The following ARHGEF1 variants were observed in gnomAD, a reference collection of about 807,000 sequenced individuals.
ARHGEF1 encodes the protein 115 kDa guanine nucleotide exchange factor.
Under a neutral mutation model 119.7 loss-of-function variants are expected in ARHGEF1, and 40 were observed. That is an observed-to-expected ratio of 0.33 (90% confidence interval 0.26 to 0.44). The LOEUF is 0.44. Among genes scored for constraint, ARHGEF1 ranks in the 20% least tolerant of loss-of-function variants. The pLI, the probability that ARHGEF1 is intolerant of heterozygous loss-of-function variation, is 1.00. For synonymous variants in ARHGEF1, 494 were observed against 521.0 expected, an observed-to-expected ratio of 0.95 and a Z score of 0.71; for missense variants, 976 against 1,268.3, an observed-to-expected ratio of 0.77 and a Z score of 3.50.
At chr19:41,914,574 C>CGTCTTTCCCTCCCCTTCCACCATCTCT in intron 18 of ARHGEF1, among the ~76,000 whole-genome samples, 1 of 17,938 alleles carries the variant, frequency 5.6e-5, no homozygotes, top group African/African-American at 1.8e-4. Flanking sequence ...TCTCTGTCTC[C>CGTCTTTCCCTCCCCTTCCACCATCTCT]GTCTCTCCCT....
At chr19:41,898,131 C>G in intron 13 of ARHGEF1, 25 of 1,396,624 alleles carry the variant, frequency 1.8e-5, no homozygotes, top group Admixed American at 6.8e-5. Context: ...AACCCTCTCC[C>G]TTCCCCCATC....
chr19:41,898,446 G>C lies in ARHGEF1; in HGVS notation c.1126G>C (p.Glu376Gln), dbSNP rs781879928. ...TAACAAGGCCTCTGTCCACAGCCCCGAGCCTGGAGATGAGGGGGAGCCGGG... is the reference window on the plus strand; with the variant it reads ...TAACAAGGCCTCTGTCCACAGCCCCCAGCCTGGAGATGAGGGGGAGCCGGG... Reference protein sequence around the residue: ...TDEGAETESPEPGDEGEPGRS... With the variant: ...TDEGAETESPQPGDEGEPGRS... The change falls in exon 14 of 29, where the codon GAG becomes CAG. Residue 376 changes from glutamate to glutamine, a missense_variant. By Grantham distance (29) the Glu-to-Gln change is conservative. This residue lies in a region of ARHGEF1 where 519 missense variants were observed against 580.9 expected (regional missense o/e 0.89). Transcript: ENST00000354532. 6.5e-7 allele frequency: 1 copy of C among 1,547,350 alleles called. No individual in the cohort carries two copies. Among genetic ancestry groups the C allele is most frequent in the East Asian group, 2.4e-5 (1 of 40,886 alleles).
At chr19:41,909,510 A>T, downstream of ARHGEF1, 1 of 1,241,420 alleles carries the variant, frequency 8.1e-7, no homozygotes, top group Non-Finnish European at 1.0e-6. The surrounding 1 kb of genome is among the most constrained non-coding windows in gnomAD (Gnocchi z 5.2). Context: ...GTGCAGGGGG[A>T]GCCCTGGGGC....
chr19:41,914,676 TTCCACCATCTCTGTCTCTCCCTCCCC>T (rs1568832031), intron 18 of ARHGEF1, among the ~76,000 whole-genome samples: 3 of 14,580 alleles, frequency 2.1e-4, no homozygotes, highest in Non-Finnish European at 2.0e-4. Context: ...CTCCCTCCCC[TTCCACCATCTCTGTCTCTCCCTCCCC>T]TTCCACCATC....
chr19:41,906,088 A>C lies in ARHGEF1; in HGVS notation c.2491+63A>C. On this transcript the variant is annotated intron_variant, in intron 26 of 28. Coordinates refer to ENST00000354532, the MANE Select transcript of ARHGEF1 (RefSeq NM_004706.4). This position sits in a 1 kb window ranked among gnomAD's most constrained non-coding sequence, Gnocchi z 4.5. ...CAAACAGTGCCTCTGTTCCAACTAGAACAAGGCTCTCCACGTCAAAAATTT... is the reference window on the plus strand; with the variant it reads ...CAAACAGTGCCTCTGTTCCAACTAGCACAAGGCTCTCCACGTCAAAAATTT... 6.8e-7 allele frequency: 1 copy of C among 1,479,218 alleles called. No individual in the cohort carries two copies. The highest frequency in any genetic ancestry group is 1.7e-5 in the Admixed American group (1 of 57,556). The allele number at this position is 1,479,218 out of a possible 1,614,324, so 91.6% of individuals were successfully genotyped here. A position where few individuals can be genotyped will look rare whatever the true frequency, so the allele number is the denominator to read the frequency against.
intron 1 of ARHGEF1, chr19:41,884,455 T>G (rs1555844889): frequency 6.2e-7 from 1 of 1,606,338 alleles, no homozygotes; most frequent in African/African-American, 1.3e-5. Flanking sequence ...AGGCTTCGGT[T>G]CCGGTGGCGG....
At chr19:41,900,426 G>A (rs1426662819) in intron 14 of ARHGEF1, among the ~76,000 whole-genome samples, 1 of 152,198 alleles carries the variant, frequency 6.6e-6, no homozygotes. Flanking sequence ...CACGGCTGGT[G>A]ACTATCACGT....
At chr19:41,924,084 T>G (rs1270660009) in intron 1 of ARHGEF1, among the ~76,000 whole-genome samples, 2 of 149,608 alleles carry the variant, frequency 1.3e-5, no homozygotes, top group African/African-American at 5.0e-5. Context: ...GGTGAGCATG[T>G]GGAATGACAG....
Position 41,903,334 on chromosome 19 carries a change from A to G in ARHGEF1, c.1766A>G (p.Glu589Gly). 1.2e-6 allele frequency: 2 copies of G among 1,613,934 alleles called. No homozygotes were observed. Among genetic ancestry groups the G allele is most frequent in the Non-Finnish European group, 1.7e-6 (2 of 1,180,014 alleles). ...GAGCCCACAGAACGGGAGAAAGTGG[A>G]GCTGGCAGCCGAGTGCTGCCGGGAA... Reference protein sequence around the residue: ...TEEPTEREKVELAAECCREIL... With the variant: ...TEEPTEREKVGLAAECCREIL... Residue 589 changes from glutamate to glycine, a missense_variant, in exon 19 of 29, where the codon GAG becomes GGG. Coordinates refer to ENST00000354532, the MANE Select transcript of ARHGEF1 (RefSeq NM_004706.4). The surrounding 1 kb of genome is among the most constrained non-coding windows in gnomAD (Gnocchi z 4.2).
intron 13 of ARHGEF1, chr19:41,896,870 C>CTCTT: frequency 3.3e-6 from 1 of 301,508 alleles, no homozygotes; most frequent in South Asian, 2.1e-5. Flanking sequence ...CCTACCCCCT[C>CTCTT]CTCTCACCTC....
rs781985250 is a variant in ARHGEF1 at position 41,888,677 on chromosome 19, G to T, written c.112-75G>T. The T allele has an allele frequency of 1.4e-6, 2 of 1,415,632 alleles. No homozygotes were observed. The highest frequency in any genetic ancestry group is 2.0e-6 in the Non-Finnish European group (2 of 1,008,724). The allele number at this position is 1,415,632 out of a possible 1,614,324, so 87.7% of individuals were successfully genotyped here. A position where few individuals can be genotyped will look rare whatever the true frequency, so the allele number is the denominator to read the frequency against. Reference sequence around the variant, plus strand: ...CCCTGGCTTGGATCCCTTGTGAAGTGCCAGGAATGGGTAGGGTCAACCCTA... The same window carrying T: ...CCCTGGCTTGGATCCCTTGTGAAGTTCCAGGAATGGGTAGGGTCAACCCTA... On this transcript the variant is annotated intron_variant, in intron 3 of 28. Transcript: ENST00000354532. The surrounding 1 kb of genome is among the most constrained non-coding windows in gnomAD (Gnocchi z 5.1).
upstream of ARHGEF1, among the ~76,000 whole-genome samples, chr19:41,922,215 G>C (rs1324476466): frequency 6.6e-6 from 1 of 152,140 alleles, no homozygotes; most frequent in Non-Finnish European, 1.5e-5. Flanking sequence ...TCCCGACAGA[G>C]CCCGGGGCTT....
intron 14 of ARHGEF1, among the ~76,000 whole-genome samples, chr19:41,900,608 A>G (rs1257466255): frequency 2.0e-5 from 3 of 151,964 alleles, no homozygotes; most frequent in African/African-American, 7.3e-5. Context: ...CTTGATGGTT[A>G]GACACTAAAC....
downstream of ARHGEF1, chr19:41,908,606 C>G: frequency 8.1e-7 from 1 of 1,231,770 alleles, no homozygotes; most frequent in Non-Finnish European, 1.0e-6. The surrounding 1 kb of genome is among the most constrained non-coding windows in gnomAD (Gnocchi z 6.7). Context: ...GGTTAAAGTT[C>G]CAGGGGTACT....
intron 7 of ARHGEF1, 173 bp from the exon 8 acceptor site, chr19:41,893,101 A>T: frequency 9.7e-7 from 1 of 1,032,362 alleles, no homozygotes; most frequent in East Asian, 2.7e-5. Context: ...ATCCTCCTGG[A>T]TGAGAGACCT....
chr19:41,925,256 G>A (rs2074864656), intron 1 of ARHGEF1, among the ~76,000 whole-genome samples: 1 of 152,120 alleles, frequency 6.6e-6, no homozygotes, highest in African/African-American at 2.4e-5. Flanking sequence ...GGAATGGCAG[G>A]TGCAGGGGGT....
Position 41,896,481 on chromosome 19 carries a change from A to G in ARHGEF1, c.1120A>G (p.Ser374Gly). ...ESTDEGAETE[S>G]PEPGDEGEPG... ...TACCGACGAGGGGGCCGAAACCGAG[A>G]GGTGCCCAGGCTGGGGTGCAGGGGC... The change falls in exon 13 of 29, where the codon AGC (serine) becomes GGC (glycine). Residue 374 changes from serine (S) to glycine (G), a missense_variant and splice_region_variant. Ser to Gly is a moderately conservative substitution (Grantham distance 56). Around this residue, in one of 3 missense-constraint regions of ARHGEF1, gnomAD observed 519 missense variants for 580.9 expected, o/e 0.89. Coordinates refer to ENST00000354532, the MANE Select transcript of ARHGEF1 (RefSeq NM_004706.4). 6.8e-7 allele frequency: 1 copy of G among 1,473,418 alleles called. No homozygotes were observed. Among genetic ancestry groups the G allele is most frequent in the Non-Finnish European group, 9.0e-7 (1 of 1,109,540 alleles). 91.3% of individuals were successfully genotyped at this position (1,473,418 alleles called of 1,614,324 possible).
Position 41,916,273 on chromosome 19 carries a change from CAT to C in ARHGEF1, c.1866-6818_1866-6817del, listed in dbSNP as rs1454489785. 1.5e-5 allele frequency among the ~76,000 whole-genome samples: 2 copies of C among 129,446 alleles called. No homozygotes were observed. The highest frequency in any genetic ancestry group is 9.7e-5 in the African/African-American group (2 of 20,572). 84.9% of individuals were successfully genotyped at this position (129,446 alleles called of 152,430 possible). The stretch of plus-strand genomic sequence containing the variant: ...ACATACCACACACTGCATGAGCCCA[CAT>C]GTCAACAAAGTCACACACAGCACCA... On this transcript the variant is annotated intron_variant, in intron 18 of 20. Transcript: ENST00000599589. The surrounding 1 kb of genome is among the most constrained non-coding windows in gnomAD (Gnocchi z 5.4).
upstream of ARHGEF1, among the ~76,000 whole-genome samples, chr19:41,922,705 A>G (rs1390781137): frequency 6.6e-6 from 1 of 151,914 alleles, no homozygotes; most frequent in Non-Finnish European, 1.5e-5. Context: ...GCCACCAGGG[A>G]TCCCACAAGG....
Sources: allele counts gnomAD v4.1 joint callset (sites outside exome capture counted in the v4.1 genomes callset), GRCh38; gene constraint gnomAD v4.1.1; regional missense constraint gnomAD v4.1.1; non-coding constraint Gnocchi (gnomAD v3.1); transcripts MANE v1.5; gene names NCBI Gene and HGNC (gene_info 2026-07-23, HGNC 2026-07-21).